Variants in DNAH3 observed in about 807,000 individuals in gnomAD.
DNAH3 encodes axonemal beta dynein heavy chain 3.
DNAH3 carries 332 observed loss-of-function variants against 432.5 expected under a neutral mutation model. That is an observed-to-expected ratio of 0.77 (90% confidence interval 0.70 to 0.84). The LOEUF (loss-of-function observed/expected upper bound fraction) is 0.84. DNAH3 is among the 40% of genes least tolerant of loss of function. The pLI, the probability that DNAH3 is intolerant of heterozygous loss-of-function variation, is 0.00. For missense variants in DNAH3, 4,861 were observed against 5,114.0 expected (o/e 0.95, Z 1.51); for synonymous variants, 1,956 against 1,900.2 (o/e 1.03, Z -0.76).
chr16:21,085,086 C>T (rs1356692983), intron 19 of DNAH3, among the ~76,000 whole-genome samples: 2 of 151,776 alleles, frequency 1.3e-5, no homozygotes, highest in African/African-American at 4.8e-5. Context: ...CGTTTCAAAA[C>T]CAGAAGTCAT....
chr16:20,981,954 A>G (rs1470488217), intron 49 of DNAH3, among the ~76,000 whole-genome samples: 2 of 148,318 alleles, frequency 1.3e-5, no homozygotes, highest in Non-Finnish European at 3.0e-5. Flanking sequence ...TGTATAAAGC[A>G]CATATATTAT....
chr16:21,019,868 A>G lies in DNAH3; in HGVS notation c.5778T>C (p.Asp1926=), dbSNP rs765251971. Residue 1926 remains aspartate (D), a splice_region_variant and synonymous_variant, in exon 41 of 62, where the codon GAT becomes GAC. Coordinates refer to ENST00000261383, the Ensembl canonical transcript of DNAH3. The stretch of plus-strand genomic sequence containing the variant: ...CCTCCTCTTCTACTGCCCTGATTTC[A>G]TCTAAAAGTGAGAAAAGCGAATCTC... 4.4e-5 allele frequency: 71 copies of G among 1,613,624 alleles called. No individual in the cohort carries two copies. In the South Asian group the frequency reaches 7.8e-4, roughly 18 times the overall value.
intron 44 of DNAH3, among the ~76,000 whole-genome samples, chr16:20,996,641 T>C (rs1314813314): frequency 6.6e-6 from 1 of 152,114 alleles, no homozygotes; most frequent in Non-Finnish European, 1.5e-5. Flanking sequence ...TTATTTTTAG[T>C]AGAGATAGGG....
At chr16:20,994,463 T>A (rs2086682058) in intron 44 of DNAH3, among the ~76,000 whole-genome samples, 1 of 152,132 alleles carries the variant, frequency 6.6e-6, no homozygotes, top group Non-Finnish European at 1.5e-5. Flanking sequence ...AATAAAAAAA[T>A]AAAAAGTTTT....
In DNAH3 at chr16:20,954,972, C is replaced by CT. The variant is rs750302607; in HGVS notation, c.10911dup (p.Gly3638ArgfsTer13). On this transcript the variant is annotated frameshift_variant, in exon 55 of 62. Transcript: ENST00000261383. LOFTEE classifies it high-confidence loss of function. ...GAGCGCAACAGGTTGGCCCGGAGCC[C>CT]TTTGGGGGGCTCATTGGTCATTTTG... The CT allele has an allele frequency of 6.2e-7, 1 of 1,614,162 alleles. No individual in the cohort carries two copies. Among genetic ancestry groups the CT allele is most frequent in the Non-Finnish European group, 8.5e-7 (1 of 1,180,038 alleles).
exon 6 of DNAH3, chr16:21,136,467 G>T: frequency 6.2e-7 from 1 of 1,614,128 alleles, no homozygotes; most frequent in Non-Finnish European, 8.5e-7. Context: ...CTCCTCAGGG[G>T]CAATCATGTC....
intron 48 of DNAH3, 81 bp downstream of exon 48, chr16:20,984,968 A>G: frequency 8.3e-7 from 1 of 1,200,754 alleles, no homozygotes; most frequent in Non-Finnish European, 1.2e-6. Context: ...GACCATTGTA[A>G]GGGATTGGCC....
chr16:20,942,176 C>T (rs2083841365), intron 58 of DNAH3, among the ~76,000 whole-genome samples: 1 of 152,190 alleles, frequency 6.6e-6, no homozygotes. Flanking sequence ...CACTAAGCCT[C>T]TGTCTTCAAT....
exon 5 of DNAH3, chr16:21,140,651 G>A (rs755483554): frequency 6.2e-7 from 1 of 1,614,128 alleles, no homozygotes; most frequent in Non-Finnish European, 8.5e-7. Flanking sequence ...GAACGTCAAA[G>A]ATGTCTTTAC....
At chr16:21,058,251 A>T in intron 26 of DNAH3, 55 bp from the exon 27 acceptor site, 1 of 1,126,906 alleles carries the variant, frequency 8.9e-7, no homozygotes, top group Non-Finnish European at 1.3e-6. Context: ...GTTTAAACTG[A>T]GTTTACGAAA....
At chr16:20,964,285 C>A in exon 53 of DNAH3, 11 of 1,614,158 alleles carry the variant, frequency 6.8e-6, no homozygotes, top group Non-Finnish European at 9.3e-6. Flanking sequence ...ATCTTGGAGA[C>A]CCAAGGGGGT....
At chr16:21,010,965 A>G (rs1219784444) in intron 41 of DNAH3, among the ~76,000 whole-genome samples, 1 of 151,878 alleles carries the variant, frequency 6.6e-6, no homozygotes, top group Non-Finnish European at 1.5e-5. Context: ...GATATACACA[A>G]AAGAAGTCAG....
rs181011361 is a variant in DNAH3 at position 20,989,127 on chromosome 16, G to C, written c.6602-1062C>G. On this transcript the variant is annotated intron_variant, in intron 44 of 61. Transcript: ENST00000261383. ...CCGAGCGGGTTACCACTGCTGGCTC[G>C]GGCAGCCTGCTTTTATTCTCTTATC... 3.4e-3 allele frequency among the ~76,000 whole-genome samples: 511 copies of C among 152,276 alleles called. 1 individual carries two copies. Among genetic ancestry groups the C allele is most frequent in the Middle Eastern group, 0.027 (8 of 292 alleles).
At chr16:21,134,348 A>T in exon 7 of DNAH3, 1 of 1,614,110 alleles carries the variant, frequency 6.2e-7, no homozygotes, top group Non-Finnish European at 8.5e-7. Context: ...TCCTGTAGAC[A>T]CTGTGCCAGG....
chr16:21,039,305 G>A (rs764264015), intron 33 of DNAH3, among the ~76,000 whole-genome samples: 15 of 139,078 alleles, frequency 1.1e-4, no homozygotes, highest in South Asian at 2.5e-4. Context: ...TGCAGCCTCC[G>A]CCTCCACGGT....
intron 1 of DNAH3, among the ~76,000 whole-genome samples, chr16:21,153,600 T>A (rs1420069459): frequency 5.9e-5 from 9 of 152,170 alleles, no homozygotes; most frequent in Admixed American, 5.9e-4. Flanking sequence ...CTTTCACTGT[T>A]TGGGTTCATG....
intron 40 of DNAH3, among the ~76,000 whole-genome samples, chr16:21,021,395 A>G (rs891098902): frequency 2.6e-5 from 4 of 152,198 alleles, no homozygotes; most frequent in African/African-American, 9.6e-5. Flanking sequence ...AAGGGCAGGA[A>G]TTACTACTCT....
In DNAH3 at chr16:21,081,763, C is replaced by T. The variant is rs770365138; in HGVS notation, c.2878-36G>A. ...AAGAGGAAAGCAAATGTTTGTTGTC[C>T]GAGGCAGTGCTGTCCAGTAGAACCT... On this transcript the variant is annotated intron_variant, in intron 19 of 61. Transcript: ENST00000261383. 75 of 1,567,028 alleles carry T rather than the reference C, an allele frequency of 4.8e-5. No homozygotes were observed. The South Asian group carries it at 6.9e-4, about 14-fold the overall frequency.
At chr16:21,015,583 TTCA>T (rs2087818068) in intron 41 of DNAH3, among the ~76,000 whole-genome samples, 1 of 152,172 alleles carries the variant, frequency 6.6e-6, no homozygotes, top group Non-Finnish European at 1.5e-5. Flanking sequence ...GCAATATTGG[TTCA>T]TCAATTGTAA....
Sources: gnomAD v4.1 joint callset for allele counts (sites outside exome capture counted in the v4.1 genomes callset) on GRCh38, gnomAD v4.1.1 for gene constraint, MANE v1.5 for transcripts, NCBI Gene and HGNC (gene_info 2026-07-23, HGNC 2026-07-21) for gene names.